TNIP3: variants seen among roughly 807,000 people sequenced by gnomAD.
TNIP3 encodes the protein TNFAIP3 interacting protein 3, also known as TNFAIP3-interacting protein 3.
TNIP3 carries 34 observed loss-of-function variants against 54.1 expected under a neutral mutation model. That is an observed-to-expected ratio of 0.63 (90% confidence interval 0.48 to 0.84). The LOEUF (loss-of-function observed/expected upper bound fraction) is 0.84. Ranked by LOEUF, TNIP3 falls within the 40% of genes least tolerant of loss-of-function variation. The pLI, the probability that TNIP3 is intolerant of heterozygous loss-of-function variation, is 0.00. For missense variants in TNIP3, 366 were observed against 387.6 expected (o/e 0.94, Z 0.47); for synonymous variants, 134 against 136.8 (o/e 0.98, Z 0.14).
At chr4:121,156,390 G>C (rs1730088560) in intron 4 of TNIP3, among the ~76,000 whole-genome samples, 1 of 152,126 alleles carries the variant, frequency 6.6e-6, no homozygotes, top group Non-Finnish European at 1.5e-5. Flanking sequence ...AAGAAAAAGT[G>C]TTCTTCAGGA....
At chr4:121,150,275 C>A (rs1729670575) in intron 5 of TNIP3, 56 bp from the exon 6 acceptor site, 1 of 1,099,600 alleles carries the variant, frequency 9.1e-7, no homozygotes, top group African/African-American at 1.6e-5. Flanking sequence ...GGAATGAATT[C>A]TTTTATAATT....
At chr4:121,194,496 T>C (rs1403313250) in intron 2 of TNIP3, among the ~76,000 whole-genome samples, 2 of 152,198 alleles carry the variant, frequency 1.3e-5, no homozygotes, top group African/African-American at 4.8e-5. Context: ...GTTTACGAAA[T>C]TAGTGCAAAC....
chr4:121,205,929 G>A (rs531110000), intron 2 of TNIP3, among the ~76,000 whole-genome samples: 6 of 152,250 alleles, frequency 3.9e-5, no homozygotes, highest in Middle Eastern at 3.4e-3. Flanking sequence ...GGCGGAAGGC[G>A]AAGGGGAAGA....
upstream of TNIP3, among the ~76,000 whole-genome samples, chr4:121,164,607 C>G (rs917794379): frequency 6.6e-6 from 1 of 152,070 alleles, no homozygotes; most frequent in African/African-American, 2.4e-5. Flanking sequence ...TTTGACAGCT[C>G]GGTTTCCCTA....
intron 2 of TNIP3, 144 bp downstream of exon 2, chr4:121,160,992 T>G (rs552908974): frequency 1.5e-6 from 1 of 673,856 alleles, no homozygotes; most frequent in African/African-American, 1.9e-5. Context: ...AGAAGGCGTT[T>G]GCTTTCAAAA....
In TNIP3 at chr4:121,150,233, T is replaced by A. The variant is rs770799417; in HGVS notation, c.493-14A>T. 16 of 1,503,666 alleles carry A rather than the reference T, an allele frequency of 1.1e-5. No individual in the cohort carries two copies. In the Admixed American group the frequency reaches 2.5e-4, roughly 24 times the overall value. 93.1% of individuals were successfully genotyped at this position (1,503,666 alleles called of 1,614,324 possible). A position where few individuals can be genotyped will look rare whatever the true frequency, so the allele number is the denominator to read the frequency against. On this transcript the variant is annotated splice_polypyrimidine_tract_variant and intron_variant, in intron 5 of 10. Transcript: ENST00000057513. ...ATCCTGAAGAGCCTACGTAATAAGA[T>A]AAGTACACTGTTGATCTAAGATTTA...
intron 10 of TNIP3, among the ~76,000 whole-genome samples, chr4:121,137,103 A>T (rs903956995): frequency 4.6e-5 from 7 of 152,140 alleles, no homozygotes; most frequent in Non-Finnish European, 8.8e-5. Flanking sequence ...AGCTTGTGTA[A>T]TATTGGTCCA....
At chr4:121,174,444 A>G (rs1246822236) in intron 3 of TNIP3, among the ~76,000 whole-genome samples, 3 of 152,044 alleles carry the variant, frequency 2.0e-5, no homozygotes, top group Non-Finnish European at 2.9e-5. Flanking sequence ...AAAAAATAAG[A>G]AAGAACATGT....
rs757874536 is a variant in TNIP3, at chr4:121,141,837, C to T, written c.864G>A (p.Val288=). 2 of 1,581,108 alleles carry T rather than the reference C, an allele frequency of 1.3e-6. No individual in the cohort carries two copies. Among genetic ancestry groups the T allele is most frequent in the South Asian group, 2.3e-5 (2 of 85,904 alleles). Residue 288 remains valine, a synonymous_variant, in exon 9 of 11, where the codon GTG becomes GTA. Transcript: ENST00000057513. The part of the protein sequence containing the change: ...DPWVPTGPGA[V]QKQREHPPDY... ...TTACTGGGTGCTCCCGTTGCTTCTG[C>T]ACAGCTCCAGGGCCTGTTGGTACCC...
At chr4:121,186,235 T>A (rs1467466837) in intron 2 of TNIP3, among the ~76,000 whole-genome samples, 1 of 151,756 alleles carries the variant, frequency 6.6e-6, no homozygotes, top group Admixed American at 6.6e-5. Context: ...CGTGGGGGGG[T>A]TTGGTCACAC....
At chr4:121,188,246 A>G (rs998341534) in intron 2 of TNIP3, among the ~76,000 whole-genome samples, 1 of 152,066 alleles carries the variant, frequency 6.6e-6, no homozygotes, top group Non-Finnish European at 1.5e-5. Flanking sequence ...AATAGAAATG[A>G]TATTAATATG....
intron 3 of TNIP3, among the ~76,000 whole-genome samples, chr4:121,170,345 A>T (rs978195074): frequency 1.3e-5 from 2 of 152,232 alleles, no homozygotes. Context: ...GTACAAAATC[A>T]TAGCACACCC....
chr4:121,196,489 A>G (rs1348397354), intron 2 of TNIP3, among the ~76,000 whole-genome samples: 3 of 152,200 alleles, frequency 2.0e-5, no homozygotes, highest in Non-Finnish European at 4.4e-5. Flanking sequence ...TGTGTGGTTG[A>G]CTATGTAATA....
chr4:121,219,785 T>C (rs536739861), upstream of TNIP3, among the ~76,000 whole-genome samples: 1 of 152,318 alleles, frequency 6.6e-6, no homozygotes, highest in Admixed American at 6.5e-5. Context: ...CCAAATGTAA[T>C]TCACATACAA....
chr4:121,165,053 G>T (rs1730679462), upstream of TNIP3, among the ~76,000 whole-genome samples: 1 of 151,740 alleles, frequency 6.6e-6, no homozygotes, highest in South Asian at 2.1e-4. Flanking sequence ...TTTGGACTTG[G>T]AACAAAAGGA....
chr4:121,139,687 G>A (rs1272941362), intron 9 of TNIP3, among the ~76,000 whole-genome samples: 1 of 152,184 alleles, frequency 6.6e-6, no homozygotes, highest in Non-Finnish European at 1.5e-5. Context: ...TGCTTTTAGT[G>A]CAGTTTGACC....
chr4:121,195,400 G>A (rs1166981798), intron 2 of TNIP3, among the ~76,000 whole-genome samples: 1 of 152,178 alleles, frequency 6.6e-6, no homozygotes, highest in Admixed American at 6.5e-5. Flanking sequence ...TTATATCACA[G>A]CATTACCTTT....
At chr4:121,172,650 T>A (rs1455021435) in intron 3 of TNIP3, among the ~76,000 whole-genome samples, 3 of 152,220 alleles carry the variant, frequency 2.0e-5, no homozygotes, top group African/African-American at 7.2e-5. Context: ...GTGGACATCC[T>A]ATATTTCTAT....
rs549193682 is a variant in TNIP3 at position 121,138,033 on chromosome 4, A to G, written c.946+591T>C. On this transcript the variant is annotated intron_variant, in intron 10 of 10. Coordinates refer to ENST00000057513, the MANE Select transcript of TNIP3 (RefSeq NM_024873.6). ...AGCAGATTCTAGAAAGAAAACAGAA[A>G]ATGTTAAATCAATAAAAAATAAGAT... is the stretch of plus-strand genomic sequence containing the variant. The G allele has an allele frequency of 2.0e-5, 9 of 450,282 alleles. No individual in the cohort carries two copies. In the East Asian group the frequency reaches 5.6e-4, roughly 28 times the overall value. The allele number at this position is 450,282 out of a possible 1,614,324, so 27.9% of individuals were successfully genotyped here.
Sources: allele counts gnomAD v4.1 joint callset (sites outside exome capture counted in the v4.1 genomes callset), GRCh38; gene constraint gnomAD v4.1.1; transcripts MANE v1.5; gene names NCBI Gene and HGNC (gene_info 2026-07-23, HGNC 2026-07-21).